Variants in KDM3B observed in about 807,000 individuals in gnomAD.
KDM3B encodes lysine demethylase 3B.
A neutral mutation model predicts 170.0 loss-of-function variants in KDM3B; 10 were observed. The ratio of observed to expected loss-of-function variants is 0.06; its 90% CI spans 0.04 to 0.10. KDM3B has a LOEUF of 0.10. Ranked by LOEUF, KDM3B falls within the 10% of genes least tolerant of loss-of-function variation. The pLI is 1.00. For missense variants in KDM3B, 1,394 were observed against 2,195.2 expected, an observed-to-expected ratio of 0.64 and a Z score of 7.29; for synonymous variants, 831 against 834.8, an observed-to-expected ratio of 1.00 and a Z score of 0.08.
chr5:138,434,727 T>TTC (rs1351898179), intron 23 of KDM3B, among the ~76,000 whole-genome samples: 1 of 152,206 alleles, frequency 6.6e-6, no homozygotes, highest in Non-Finnish European at 1.5e-5. Context: ...CCTACTAGAA[T>TTC]GTAAGCTATT....
chr5:138,405,906 T>C (rs980354273), intron 11 of KDM3B, among the ~76,000 whole-genome samples: 1 of 152,212 alleles, frequency 6.6e-6, no homozygotes, highest in Non-Finnish European at 1.5e-5. Flanking sequence ...AGATAGACTT[T>C]GATAAGTTGA....
Position 138,416,924 on chromosome 5 carries a change from G to A in KDM3B, c.3308-559G>A, listed in dbSNP as rs551353479. The stretch of plus-strand genomic sequence containing the variant: ...CAACCTCTACCTCCTAGAATCAAGC[G>A]ATTCTCGTGCCTCAGCCTCCCAAGT... On this transcript the variant is annotated intron_variant, in intron 12 of 23. Transcript: ENST00000314358. Among the ~76,000 whole-genome samples the A allele has an allele frequency of 3.3e-3, 502 of 152,220 alleles. 2 individuals carry two copies. The highest frequency in any genetic ancestry group is 5.3e-3 in the Non-Finnish European group (362 of 68,008).
intron 5 of KDM3B, 104 bp from the exon 6 acceptor site, chr5:138,381,412 T>G: frequency 1.4e-6 from 1 of 717,024 alleles, no homozygotes; most frequent in Non-Finnish European, 2.4e-6. Context: ...TTCATTCTAG[T>G]AGGTGAGTTG....
intron 15 of KDM3B, among the ~76,000 whole-genome samples, chr5:138,423,776 G>A (rs1432874993): frequency 1.3e-5 from 2 of 152,146 alleles, no homozygotes; most frequent in African/African-American, 4.8e-5. Context: ...ACATGCATGT[G>A]TGCTTTGTAT....
At chr5:138,396,110 CT>C (rs201369127) in intron 9 of KDM3B, among the ~76,000 whole-genome samples, 1 of 148,994 alleles carries the variant, frequency 6.7e-6, no homozygotes, top group African/African-American at 2.5e-5. Flanking sequence ...GACAACTCTT[CT>C]TTTTTTTTAG....
chr5:138,417,160 A>T (rs1466808233), intron 12 of KDM3B, among the ~76,000 whole-genome samples: 1 of 152,106 alleles, frequency 6.6e-6, no homozygotes, highest in African/African-American at 2.4e-5. Flanking sequence ...CTACCCCTAG[A>T]GTTTCTCCTG....
intron 1 of KDM3B, among the ~76,000 whole-genome samples, chr5:138,361,858 G>GT (rs1187311480): frequency 6.6e-6 from 1 of 152,108 alleles, no homozygotes; most frequent in East Asian, 1.9e-4. Context: ...ATTTATTGTA[G>GT]TTTTTCTTGT....
At chr5:138,401,437 T>C (rs1490757601) in intron 11 of KDM3B, among the ~76,000 whole-genome samples, 1 of 152,240 alleles carries the variant, frequency 6.6e-6, no homozygotes. Flanking sequence ...CATCTGTGTT[T>C]TAGCACATGT....
At chr5:138,415,450 A>G (rs552411819) in intron 12 of KDM3B, among the ~76,000 whole-genome samples, 2 of 151,928 alleles carry the variant, frequency 1.3e-5, no homozygotes, top group Admixed American at 1.3e-4. Context: ...CTTCTGTATT[A>G]TTATTGAAGA....
chr5:138,381,032 C>G (rs557055425), intron 5 of KDM3B, among the ~76,000 whole-genome samples: 2 of 152,144 alleles, frequency 1.3e-5, no homozygotes, highest in South Asian at 4.2e-4. Context: ...GCCACCACAC[C>G]CAGCTAATTT....
At chr5:138,398,454 C>T in intron 10 of KDM3B, 62 bp downstream of exon 10, 1 of 1,450,964 alleles carries the variant, frequency 6.9e-7, no homozygotes. Context: ...TTTTCTTTCA[C>T]TTAACGGGAA....
At chr5:138,413,593 A>G (rs944648561) in intron 11 of KDM3B, among the ~76,000 whole-genome samples, 5 of 152,102 alleles carry the variant, frequency 3.3e-5, no homozygotes, top group African/African-American at 1.2e-4. Context: ...ATTTCCACAG[A>G]AAGACCTATA....
intron 23 of KDM3B, among the ~76,000 whole-genome samples, chr5:138,432,898 C>T (rs1223031207): frequency 2.6e-5 from 4 of 151,406 alleles, no homozygotes; most frequent in Non-Finnish European, 5.9e-5. Context: ...ATGTCCACCA[C>T]CACGTCCAGC....
chr5:138,397,682 G>A (rs1017151047), intron 9 of KDM3B, among the ~76,000 whole-genome samples: 1 of 151,918 alleles, frequency 6.6e-6, no homozygotes. Flanking sequence ...GCAACATGGC[G>A]AAACCCTGTC....
intron 1 of KDM3B, among the ~76,000 whole-genome samples, chr5:138,362,104 G>A (rs903513037): frequency 1.3e-5 from 2 of 152,132 alleles, no homozygotes; most frequent in East Asian, 1.9e-4. Flanking sequence ...CGGATCACTT[G>A]AGGCCAGGAG....
intron 15 of KDM3B, 44 bp from the exon 16 acceptor site, chr5:138,424,031 A>G: frequency 6.7e-7 from 1 of 1,500,668 alleles, no homozygotes; most frequent in Non-Finnish European, 8.9e-7. Flanking sequence ...TGCCGTTCTC[A>G]TGGTGCCTCA....
intron 1 of KDM3B, among the ~76,000 whole-genome samples, chr5:138,355,693 C>T (rs796092175): frequency 8.5e-5 from 13 of 152,160 alleles, no homozygotes; most frequent in African/African-American, 3.1e-4. Context: ...ATCTGGTGTC[C>T]TCTTTGTGTT....
intron 12 of KDM3B, among the ~76,000 whole-genome samples, chr5:138,416,588 C>CAAA (rs545925296): frequency 1.5e-4 from 13 of 84,184 alleles, no homozygotes; most frequent in African/African-American, 2.4e-4. Context: ...GACTCTGTCT[C>CAAA]AAAAAAAAAA....
chr5:138,434,386 A>G (rs924688380), intron 23 of KDM3B, among the ~76,000 whole-genome samples: 5 of 152,146 alleles, frequency 3.3e-5, no homozygotes, highest in Non-Finnish European at 5.9e-5. Flanking sequence ...CGTCTCTACT[A>G]AAAATACAAA....
Sources: gnomAD v4.1 joint callset for allele counts (sites outside exome capture counted in the v4.1 genomes callset) on GRCh38, gnomAD v4.1.1 for gene constraint, MANE v1.5 for transcripts, NCBI Gene and HGNC (gene_info 2026-07-23, HGNC 2026-07-21) for gene names.